Variants in RPS6KC1 observed in about 807,000 individuals in gnomAD.
RPS6KC1 encodes ribosomal protein S6 kinase C1.
Under a neutral mutation model 103.8 loss-of-function variants are expected in RPS6KC1, and 54 were observed. The ratio of observed to expected loss-of-function variants is 0.52; its 90% CI spans 0.42 to 0.65. The LOEUF (loss-of-function observed/expected upper bound fraction) is 0.65, where lower values mean the gene tolerates loss of function less well. Ranked by LOEUF, RPS6KC1 falls within the 30% of genes least tolerant of loss-of-function variation. RPS6KC1 has a pLI of 0.00. For missense variants in RPS6KC1, 1,151 were observed against 1,253.8 expected (o/e 0.92, Z 1.24); for synonymous variants, 439 against 438.7 (o/e 1.00, Z -0.01).
At chr1:213,411,923 G>C in the RPS6KC1 span, among the ~76,000 whole-genome samples, 1 of 152,336 alleles carries the variant, frequency 6.6e-6, no homozygotes, top group East Asian at 1.9e-4. Flanking sequence ...GCCACAGCAA[G>C]AGGCTTGGTG....
At chr1:213,669,597 G>A in the RPS6KC1 span, among the ~76,000 whole-genome samples, 9 of 152,098 alleles carry the variant, frequency 5.9e-5, no homozygotes, top group Admixed American at 2.0e-4. Flanking sequence ...AAATGGCACC[G>A]ATAGACTTGT....
the RPS6KC1 span, among the ~76,000 whole-genome samples, chr1:213,452,804 A>G: frequency 3.3e-5 from 5 of 152,116 alleles, 1 homozygote; most frequent in South Asian, 4.1e-4. Context: ...ACAAACCCCA[A>G]ACTGGACTAA....
the RPS6KC1 span, among the ~76,000 whole-genome samples, chr1:213,448,640 C>T: frequency 6.6e-6 from 1 of 152,060 alleles, no homozygotes; most frequent in Non-Finnish European, 1.5e-5. Context: ...CTCACACAGT[C>T]CCGCTTCTTC....
the RPS6KC1 span, among the ~76,000 whole-genome samples, chr1:213,442,831 A>G: frequency 0.13 from 20,382 of 152,120 alleles, 1,760 homozygotes; most frequent in East Asian, 0.25. Flanking sequence ...GCCTTGTCCC[A>G]TGGCCACATG....
At chr1:213,165,100 G>C (rs1489169958) in intron 6 of RPS6KC1, among the ~76,000 whole-genome samples, 1 of 150,054 alleles carries the variant, frequency 6.7e-6, no homozygotes, top group South Asian at 2.1e-4. Context: ...TTTTTTTTCT[G>C]GTACTGACAA....
chr1:213,318,234 A>G, the RPS6KC1 span, among the ~76,000 whole-genome samples: 1 of 152,180 alleles, frequency 6.6e-6, no homozygotes, highest in Non-Finnish European at 1.5e-5. Flanking sequence ...GGATTGTTTT[A>G]TCTTATGGAT....
At chr1:213,829,033 A>C in the RPS6KC1 span, among the ~76,000 whole-genome samples, 1 of 152,146 alleles carries the variant, frequency 6.6e-6, no homozygotes, top group Non-Finnish European at 1.5e-5. Context: ...GCAGTCAGTC[A>C]CTGGGCAGAT....
At chr1:213,834,902 C>A in the RPS6KC1 span, among the ~76,000 whole-genome samples, 1 of 152,304 alleles carries the variant, frequency 6.6e-6, no homozygotes, top group East Asian at 1.9e-4. Flanking sequence ...GGGGAAATCG[C>A]AGCCATCAAG....
At chr1:213,351,103 AACACTGAAATGGAATGT>A in the RPS6KC1 span, among the ~76,000 whole-genome samples, 2 of 152,212 alleles carry the variant, frequency 1.3e-5, no homozygotes, top group African/African-American at 4.8e-5. Context: ...TTTAATAATT[AACACTGAAATGGAATGT>A]TTTCCACCAA....
At chr1:213,691,842 G>A in the RPS6KC1 span, among the ~76,000 whole-genome samples, 1 of 152,086 alleles carries the variant, frequency 6.6e-6, no homozygotes, top group Non-Finnish European at 1.5e-5. Flanking sequence ...TGAATCTTCC[G>A]CAAGCAGGAG....
chr1:213,280,891 C>A, the RPS6KC1 span, among the ~76,000 whole-genome samples: 1 of 152,204 alleles, frequency 6.6e-6, no homozygotes, highest in African/African-American at 2.4e-5. Flanking sequence ...TGTGCCTGAA[C>A]TCAGCCTTAA....
At chr1:213,070,923 A>T (rs2078808654) in intron 1 of RPS6KC1, 83 bp from the exon 2 acceptor site, 1 of 842,204 alleles carries the variant, frequency 1.2e-6, no homozygotes, top group Non-Finnish European at 1.8e-6. Context: ...TTTTCATACA[A>T]ATACTATTGG....
the RPS6KC1 span, among the ~76,000 whole-genome samples, chr1:213,412,199 A>T: frequency 2.0e-5 from 3 of 152,206 alleles, no homozygotes; most frequent in East Asian, 3.8e-4. Flanking sequence ...ATGGTGTGGC[A>T]TTCCTATCTA....
At chr1:213,840,890 C>T in the RPS6KC1 span, 2 of 152,174 alleles carry the variant, frequency 1.3e-5, no homozygotes, top group African/African-American at 2.4e-5. Context: ...GAGAGGAGAT[C>T]TCACTGTGAT....
chr1:213,306,574 T>A, the RPS6KC1 span, among the ~76,000 whole-genome samples: 3 of 152,196 alleles, frequency 2.0e-5, no homozygotes, highest in African/African-American at 7.2e-5. Context: ...GGAATCTACT[T>A]ATATTTCGAG....
chr1:213,259,021 T>C (rs567636045), intron 12 of RPS6KC1, among the ~76,000 whole-genome samples: 4 of 152,348 alleles, frequency 2.6e-5, no homozygotes, highest in African/African-American at 4.8e-5. Context: ...CCTCATGTTA[T>C]AGATGACATC....
the RPS6KC1 span, among the ~76,000 whole-genome samples, chr1:213,835,355 C>T: frequency 6.6e-6 from 1 of 152,146 alleles, no homozygotes; most frequent in African/African-American, 2.4e-5. Flanking sequence ...ATTCTTGAAT[C>T]GGTAACAGAG....
intron 2 of RPS6KC1, among the ~76,000 whole-genome samples, chr1:213,073,440 G>T (rs1405782016): frequency 1.3e-5 from 2 of 152,188 alleles, no homozygotes; most frequent in African/African-American, 4.8e-5. Context: ...TCATTCAGTA[G>T]ATTGTGTAGA....
the RPS6KC1 span, among the ~76,000 whole-genome samples, chr1:213,301,261 A>G: frequency 0.011 from 1,722 of 152,266 alleles, 36 homozygotes; most frequent in African/African-American, 0.039. Context: ...TAATATGACA[A>G]TGCCCACCAG....
Sources: gnomAD v4.1 joint callset for allele counts (sites outside exome capture counted in the v4.1 genomes callset) on GRCh38, gnomAD v4.1.1 for gene constraint, MANE v1.5 for transcripts, NCBI Gene and HGNC (gene_info 2026-07-23, HGNC 2026-07-21) for gene names.